SCLT1: variants seen among roughly 807,000 people sequenced by gnomAD.
SCLT1 encodes the protein sodium channel-associated protein 1.
Under a neutral mutation model 112.8 loss-of-function variants are expected in SCLT1, and 78 were observed. That is an observed-to-expected ratio of 0.69 (90% confidence interval 0.58 to 0.83). SCLT1 has a LOEUF of 0.83. Ranked by LOEUF, SCLT1 falls within the 40% of genes least tolerant of loss-of-function variation. The pLI is 0.00. For missense variants in SCLT1, 747 were observed against 770.4 expected, an observed-to-expected ratio of 0.97 and a Z score of 0.36; for synonymous variants, 257 against 254.7, an observed-to-expected ratio of 1.01 and a Z score of -0.09.
At chr4:128,877,504 A>C (rs922354652) in intron 3 of SCLT1, among the ~76,000 whole-genome samples, 1 of 152,224 alleles carries the variant, frequency 6.6e-6, no homozygotes, top group Admixed American at 6.5e-5. Flanking sequence ...ATATAGTGAA[A>C]CCCTGTATCT....
At chr4:129,042,910 T>C (rs1485104746) in intron 4 of SCLT1, among the ~76,000 whole-genome samples, 3 of 151,832 alleles carry the variant, frequency 2.0e-5, no homozygotes, top group African/African-American at 7.3e-5. Context: ...CCATCTCTAC[T>C]AAAAACACAA....
rs528978012 is a variant in SCLT1, at chr4:129,001,511, T to C, written c.427-1717A>G. 1.1e-4 allele frequency among the ~76,000 whole-genome samples: 17 copies of C among 152,234 alleles called. No individual in the cohort carries two copies. In the South Asian group the frequency reaches 3.5e-3, roughly 32 times the overall value. ...GTCAAATGTTTCATTACGATAAATA[T>C]TATAATGAATATATTTATTCAAAAA... On this transcript the variant is annotated intron_variant, in intron 6 of 20. Coordinates refer to ENST00000281142, the MANE Select transcript of SCLT1 (RefSeq NM_144643.4).
intron 3 of SCLT1, among the ~76,000 whole-genome samples, chr4:128,877,337 C>A (rs568661130): frequency 6.6e-6 from 1 of 152,128 alleles, no homozygotes; most frequent in East Asian, 1.9e-4. Context: ...TCAATCCCAG[C>A]CTGTCTGGGA....
chr4:128,898,233 C>T (rs1733952074), intron 18 of SCLT1, among the ~76,000 whole-genome samples: 1 of 152,188 alleles, frequency 6.6e-6, no homozygotes, highest in South Asian at 2.1e-4. Flanking sequence ...CTTCTCAGCA[C>T]CACACTGCAC....
chr4:128,936,307 C>G (rs1483680730), intron 18 of SCLT1, among the ~76,000 whole-genome samples: 1 of 152,060 alleles, frequency 6.6e-6, no homozygotes, highest in Non-Finnish European at 1.5e-5. Flanking sequence ...TCATTCAACA[C>G]AAAATCTCAA....
At chr4:128,884,796 T>C (rs1032896495) in intron 20 of SCLT1, among the ~76,000 whole-genome samples, 1 of 152,106 alleles carries the variant, frequency 6.6e-6, no homozygotes, top group African/African-American at 2.4e-5. Context: ...CAGTAGCCAC[T>C]ACACCTGGTT....
intron 5 of SCLT1, among the ~76,000 whole-genome samples, chr4:129,031,656 T>A (rs1473561356): frequency 6.6e-6 from 1 of 152,022 alleles, no homozygotes; most frequent in Non-Finnish European, 1.5e-5. Context: ...AGGATTCCTA[T>A]ACAACAACAA....
intron 18 of SCLT1, among the ~76,000 whole-genome samples, chr4:128,903,832 G>C (rs145165644): frequency 6.6e-6 from 1 of 152,146 alleles, no homozygotes; most frequent in East Asian, 1.9e-4. Flanking sequence ...AGGATGATTC[G>C]ACTCTTTGTT....
intron 17 of SCLT1, among the ~76,000 whole-genome samples, chr4:128,939,630 G>A (rs1737511635): frequency 6.6e-6 from 1 of 152,152 alleles, no homozygotes; most frequent in Admixed American, 6.5e-5. Flanking sequence ...ATTTTAGATG[G>A]TAATGAGGCG....
chr4:128,919,160 T>C lies in SCLT1; in HGVS notation c.1829+17495A>G, dbSNP rs1474499372. On this transcript the variant is annotated intron_variant, in intron 18 of 20. Coordinates refer to ENST00000281142, the MANE Select transcript of SCLT1 (RefSeq NM_144643.4). ...TCTGCACATGGCACATACTCTAAAA[T>C]TGACCACAATCAGCTGCAAAACAAT... 2.0e-5 allele frequency among the ~76,000 whole-genome samples: 3 copies of C among 150,658 alleles called. 1 individual carries two copies. Among genetic ancestry groups the C allele is most frequent in the South Asian group, 4.2e-4 (2 of 4,768 alleles).
At chr4:128,919,058 G>A (rs1453355599) in intron 18 of SCLT1, among the ~76,000 whole-genome samples, 2 of 151,950 alleles carry the variant, frequency 1.3e-5, no homozygotes, top group African/African-American at 4.8e-5. Context: ...GATCTGCACA[G>A]GACATTTGAC....
intron 2 of SCLT1, among the ~76,000 whole-genome samples, chr4:129,080,290 A>G (rs1234644432): frequency 6.6e-6 from 1 of 152,200 alleles, no homozygotes; most frequent in African/African-American, 2.4e-5. Context: ...TTTCCAAACT[A>G]TTATGCTCTA....
intron 18 of SCLT1, among the ~76,000 whole-genome samples, chr4:128,897,885 A>T (rs1266805222): frequency 1.3e-5 from 2 of 152,180 alleles, no homozygotes; most frequent in Non-Finnish European, 1.5e-5. Context: ...AGTCTCTGAT[A>T]AAACAGACTT....
chr4:128,903,776 T>C (rs1734494504), intron 18 of SCLT1, among the ~76,000 whole-genome samples: 1 of 152,162 alleles, frequency 6.6e-6, no homozygotes, highest in South Asian at 2.1e-4. Context: ...ATCTTCTTAT[T>C]TCTCTGTCAG....
At chr4:128,971,952 G>C (rs1196796654) in intron 9 of SCLT1, 1 of 152,388 alleles carries the variant, frequency 6.6e-6, no homozygotes, top group African/African-American at 2.4e-5. Context: ...GAACCTGGGA[G>C]GCAGAGGTTG....
In SCLT1 at chr4:128,907,404, A is replaced by G. The variant is rs142200173; in HGVS notation, c.1830-16267T>C. Among the ~76,000 whole-genome samples, 17 of 152,328 alleles carry G rather than the reference A, an allele frequency of 1.1e-4. No homozygotes were observed. The East Asian group carries it at 3.3e-3, about 29-fold the overall frequency. On this transcript the variant is annotated intron_variant, in intron 18 of 20. Coordinates refer to ENST00000281142, the MANE Select transcript of SCLT1 (RefSeq NM_144643.4). ...CAACTGGAAAGAAATGGACAGATTG[A>G]AGAGATATCTAGGAGATTGAATTAG... is the stretch of plus-strand genomic sequence containing the variant.
chr4:129,039,929 C>T (rs1490270996), intron 4 of SCLT1: 1 of 408,070 alleles, frequency 2.5e-6, no homozygotes, highest in South Asian at 2.8e-5. Flanking sequence ...CACACACACA[C>T]ACAAAACCCT....
chr4:129,060,147 T>TAATC (rs199600938), intron 2 of SCLT1, among the ~76,000 whole-genome samples: 2,004 of 152,312 alleles, frequency 0.013, 62 homozygotes, highest in African/African-American at 0.046. Flanking sequence ...TTCAATTAAT[T>TAATC]AATCAAATTC....
intron 5 of SCLT1, among the ~76,000 whole-genome samples, chr4:129,038,492 G>A (rs142022036): frequency 1.9e-4 from 29 of 151,892 alleles, no homozygotes; most frequent in African/African-American, 6.8e-4. Context: ...AAAGTATATC[G>A]CTTGGAGATA....
Sources: gnomAD v4.1 joint callset for allele counts (sites outside exome capture counted in the v4.1 genomes callset) on GRCh38, gnomAD v4.1.1 for gene constraint, MANE v1.5 for transcripts, NCBI Gene and HGNC (gene_info 2026-07-23, HGNC 2026-07-21) for gene names.